Variants in CCDC40 observed in about 807,000 individuals in gnomAD.
CCDC40 encodes coiled-coil domain 40 molecular ruler complex subunit, also known as coiled-coil domain-containing protein 40.
Under a neutral mutation model 124.5 loss-of-function variants are expected in CCDC40, and 104 were observed. The ratio of observed to expected loss-of-function variants is 0.84; its 90% confidence interval spans 0.71 to 0.98. The LOEUF (loss-of-function observed/expected upper bound fraction) is 0.98. Among genes scored for constraint, CCDC40 ranks in the 50% least tolerant of loss-of-function variants. The probability of loss-of-function intolerance (pLI) is 0.00; values close to 1 mark genes in which losing one functional copy is unlikely to be tolerated. For missense variants in CCDC40, 1,463 were observed against 1,503.9 expected (o/e 0.97, Z 0.45); for synonymous variants, 580 against 602.9 (o/e 0.96, Z 0.56).
intron 10 of CCDC40, among the ~76,000 whole-genome samples, chr17:80,076,759 T>C (rs1396120483): frequency 6.6e-6 from 1 of 151,902 alleles, no homozygotes; most frequent in Non-Finnish European, 1.5e-5. Context: ...TTTTTTTTCT[T>C]TTTTAAAATA....
intron 7 of CCDC40, among the ~76,000 whole-genome samples, chr17:80,054,695 C>A (rs913741049): frequency 6.6e-6 from 1 of 152,136 alleles, no homozygotes; most frequent in Non-Finnish European, 1.5e-5. Flanking sequence ...GAATGGAGGC[C>A]GGATGTGGTG....
intron 10 of CCDC40, among the ~76,000 whole-genome samples, chr17:80,075,679 A>C (rs1201979699): frequency 6.6e-6 from 1 of 151,880 alleles, no homozygotes; most frequent in Non-Finnish European, 1.5e-5. Context: ...GGTTTTCACC[A>C]TGTTAGCTAG....
Position 80,099,814 on chromosome 17 carries a change from G to T in CCDC40, c.*39G>T. On this transcript the variant is annotated 3_prime_UTR_variant, in exon 20 of 20. Coordinates refer to ENST00000397545, the MANE Select transcript of CCDC40 (RefSeq NM_017950.4). The stretch of plus-strand genomic sequence containing the variant: ...CTCCGCCTTGCAAGGCCTCCAGGAA[G>T]AGATCCGGAATTGTGTTTGTCATGA... 1 of 1,607,444 alleles carries T rather than the reference G, an allele frequency of 6.2e-7. No homozygotes were observed.
chr17:80,091,504 C>T (rs1478382311), intron 17 of CCDC40, among the ~76,000 whole-genome samples: 1 of 151,920 alleles, frequency 6.6e-6, no homozygotes, highest in African/African-American at 2.4e-5. Flanking sequence ...GGTGTCATCC[C>T]AGCCCAGTGT....
intron 17 of CCDC40, among the ~76,000 whole-genome samples, chr17:80,092,591 T>C (rs1253869010): frequency 1.3e-5 from 2 of 152,228 alleles, no homozygotes; most frequent in East Asian, 1.9e-4. Flanking sequence ...TTCTTCTGTG[T>C]GGTGAAGCCC....
intron 17 of CCDC40, among the ~76,000 whole-genome samples, chr17:80,094,330 T>C (rs12453101): frequency 6.6e-6 from 1 of 151,786 alleles, no homozygotes; most frequent in Middle Eastern, 3.2e-3. Context: ...GAGAATTGCT[T>C]GAATCTGGGA....
intron 10 of CCDC40, 120 bp from the exon 11 acceptor site, chr17:80,081,426 T>A (rs1458524190): frequency 1.5e-6 from 1 of 684,638 alleles, no homozygotes; most frequent in African/African-American, 3.5e-5. Flanking sequence ...GTTGGCTTCC[T>A]AATTTATTTC....
chr17:80,041,709 G>T (rs537943920), intron 3 of CCDC40, among the ~76,000 whole-genome samples: 27 of 152,144 alleles, frequency 1.8e-4, no homozygotes, highest in African/African-American at 5.5e-4. Context: ...AAGGTCATAG[G>T]CCAGCTGTCT....
intron 2 of CCDC40, 131 bp from the exon 3 acceptor site, chr17:80,039,681 T>G: frequency 4.2e-6 from 5 of 1,203,774 alleles, no homozygotes; most frequent in South Asian, 1.5e-5. Flanking sequence ...AAGTGAAACA[T>G]GATCTCTTAG....
chr17:80,069,303 C>A (rs2038130826), intron 10 of CCDC40, among the ~76,000 whole-genome samples: 1 of 152,216 alleles, frequency 6.6e-6, no homozygotes. Context: ...GTCTCATACA[C>A]AAGCTGCAAG....
rs1216934826 is a variant in CCDC40 at position 80,066,759 on chromosome 17, A to AAAT, written c.1562+1164_1562+1166dup. 1 of 152,588 alleles carries AAAT rather than the reference A, an allele frequency of 6.6e-6. No homozygotes were observed. The highest frequency in any genetic ancestry group is 1.5e-5 in the Non-Finnish European group (1 of 68,398). The allele number at this position is 152,588 out of a possible 1,614,324, so 9.5% of individuals were successfully genotyped here. ...CAAGACTCTGTCTCAAAAAAAATAA[A>AAAT]AATAATAATAATACTCATTTCCTTC... is the stretch of plus-strand genomic sequence containing the variant. On this transcript the variant is annotated intron_variant, in intron 10 of 19. Coordinates refer to ENST00000397545, the MANE Select transcript of CCDC40 (RefSeq NM_017950.4). This position sits in a 1 kb window ranked among gnomAD's most constrained non-coding sequence, Gnocchi z 4.4.
chr17:80,067,718 G>A (rs1165404596), intron 10 of CCDC40: 2 of 1,524,014 alleles, frequency 1.3e-6, no homozygotes, highest in Admixed American at 2.0e-5. Context: ...TTTTTATATT[G>A]CCTATCAAGC....
rs558351434 is a variant in CCDC40 at position 80,067,858 on chromosome 17, T to A, written c.1562+2252T>A. On this transcript the variant is annotated intron_variant, in intron 10 of 19. Coordinates refer to ENST00000397545, the MANE Select transcript of CCDC40 (RefSeq NM_017950.4). ...TTCAGGACTGTGCCAATCCGATTGA[T>A]GAAGAAAATAGATAATCTTGTTTTA... The A allele has an allele frequency of 4.3e-4, 602 of 1,396,894 alleles. No individual in the cohort carries two copies. In the African/African-American group the frequency reaches 7.5e-3, roughly 17 times the overall value. The allele number at this position is 1,396,894 out of a possible 1,614,324, so 86.5% of individuals were successfully genotyped here. A position where few individuals can be genotyped will look rare whatever the true frequency, so the allele number is the denominator to read the frequency against.
At chr17:80,054,984 A>T (rs992381039) in intron 7 of CCDC40, among the ~76,000 whole-genome samples, 5 of 152,028 alleles carry the variant, frequency 3.3e-5, no homozygotes, top group Admixed American at 2.0e-4. Flanking sequence ...CAAAAAAAAA[A>T]AATAAATAAA....
intron 7 of CCDC40, among the ~76,000 whole-genome samples, chr17:80,054,064 A>C (rs1322949931): frequency 6.6e-6 from 1 of 152,248 alleles, no homozygotes; most frequent in East Asian, 1.9e-4. Flanking sequence ...AGAGGGAAAT[A>C]AACTGAAAGA....
chr17:80,043,211 C>T (rs897415692), intron 3 of CCDC40, among the ~76,000 whole-genome samples: 5 of 152,150 alleles, frequency 3.3e-5, no homozygotes, highest in African/African-American at 7.2e-5. Context: ...TGTGATCGGA[C>T]GCACCTCCAT....
At chr17:80,038,623 G>A (rs371459005) in intron 2 of CCDC40, among the ~76,000 whole-genome samples, 53 of 152,056 alleles carry the variant, frequency 3.5e-4, no homozygotes, top group East Asian at 2.7e-3. Context: ...TCAAAAGATC[G>A]AGACTATCCT....
intron 2 of CCDC40, 109 bp from the exon 3 acceptor site, chr17:80,039,703 A>G: frequency 6.5e-6 from 9 of 1,378,416 alleles, no homozygotes; most frequent in Non-Finnish European, 8.9e-6. Context: ...GATGCTGAGA[A>G]GGGTATAAAT....
intron 16 of CCDC40, among the ~76,000 whole-genome samples, chr17:80,089,350 C>A (rs776204493): frequency 6.6e-6 from 1 of 152,130 alleles, no homozygotes; most frequent in Non-Finnish European, 1.5e-5. Context: ...AGAATCTAGG[C>A]AAAAAATTAT....
Sources: gnomAD v4.1 joint callset for allele counts (sites outside exome capture counted in the v4.1 genomes callset) on GRCh38, gnomAD v4.1.1 for gene constraint, Gnocchi (gnomAD v3.1) non-coding constraint, MANE v1.5 for transcripts, NCBI Gene and HGNC (gene_info 2026-07-23, HGNC 2026-07-21) for gene names.